The following HFM1 variants were observed in gnomAD, a reference collection of about 807,000 sequenced individuals.
The protein encoded by HFM1 is helicase for meiosis 1, also known as probable ATP-dependent DNA helicase HFM1.
HFM1 carries 169 observed loss-of-function variants against 192.1 expected under a neutral mutation model. The ratio of observed to expected loss-of-function variants is 0.88; its 90% CI spans 0.78 to 1.00. The LOEUF is 1.00. HFM1 is among the 50% of genes least tolerant of loss of function. The probability of loss-of-function intolerance (pLI) is 0.00; values close to 1 mark genes in which losing one functional copy is unlikely to be tolerated. For synonymous variants in HFM1, 525 were observed against 537.8 expected, an observed-to-expected ratio of 0.98 and a Z score of 0.33; for missense variants, 1,661 against 1,668.0, an observed-to-expected ratio of 1.00 and a Z score of 0.07.
rs760493845 is a variant in HFM1 at position 91,394,117 on chromosome 1, T to G, written c.470A>C (p.Glu157Ala). The G allele has an allele frequency of 6.9e-6, 11 of 1,588,522 alleles. No individual in the cohort carries two copies. Among genetic ancestry groups the G allele is most frequent in the South Asian group, 1.1e-5 (1 of 87,510 alleles). Reference sequence around the variant, plus strand: ...CCTTTTCCGGAATACTGATGTGCTCTCTCCTTTATCTTCTGCAAAATTAAC... The same window carrying G: ...CCTTTTCCGGAATACTGATGTGCTCGCTCCTTTATCTTCTGCAAAATTAAC... ...KLVNFAEDKG[E>A]STSVFRKRLF... is the part of the protein sequence containing the mutation. The change falls in exon 4 of 39, where the codon GAG becomes GCG. Residue 157 changes from glutamate (E) to alanine (A), a missense_variant. Glu to Ala is a moderately radical substitution (Grantham distance 107). Transcript: ENST00000370425.
intron 30 of HFM1, 51 bp from the exon 31 acceptor site, chr1:91,277,113 T>C (rs760819034): frequency 1.1e-6 from 1 of 924,640 alleles, no homozygotes; most frequent in South Asian, 1.6e-5. Context: ...TTTATTATTG[T>C]TAATTTAATA....
At chr1:91,292,680 T>C (rs1186555229) in intron 30 of HFM1, among the ~76,000 whole-genome samples, 1 of 152,084 alleles carries the variant, frequency 6.6e-6, no homozygotes, top group Admixed American at 6.6e-5. Context: ...AATGACTTTC[T>C]TCACAGAAAT....
At chr1:91,377,897 C>T (rs1190574526) in intron 11 of HFM1, 128 bp downstream of exon 11, 1 of 849,026 alleles carries the variant, frequency 1.2e-6, no homozygotes, top group African/African-American at 1.7e-5. Flanking sequence ...GATCTAGCCA[C>T]AACTTTCTAC....
chr1:91,294,655 A>G (rs1463821703), intron 30 of HFM1, among the ~76,000 whole-genome samples: 2 of 152,212 alleles, frequency 1.3e-5, no homozygotes, highest in Non-Finnish European at 2.9e-5. Flanking sequence ...CTGCAAACCA[A>G]AAACATTTAC....
chr1:91,380,620 G>A (rs1007409364), intron 7 of HFM1, among the ~76,000 whole-genome samples: 9 of 152,154 alleles, frequency 5.9e-5, no homozygotes, highest in Non-Finnish European at 1.3e-4. Context: ...CAGGAGTGGT[G>A]TCTCAAGCCT....
intron 30 of HFM1, among the ~76,000 whole-genome samples, chr1:91,306,840 C>G (rs10923006): frequency 0.24 from 37,006 of 152,006 alleles, 4,875 homozygotes; most frequent in East Asian, 0.53. Flanking sequence ...AAAATTTTTA[C>G]TAACAATTGC....
intron 30 of HFM1, among the ~76,000 whole-genome samples, chr1:91,277,976 A>G (rs1436355509): frequency 2.8e-5 from 4 of 141,376 alleles, no homozygotes; most frequent in Non-Finnish European, 6.0e-5. Flanking sequence ...TATACATTAT[A>G]TTATATATAT....
At chr1:91,383,874 G>T (rs778421215) in intron 6 of HFM1, among the ~76,000 whole-genome samples, 3 of 151,764 alleles carry the variant, frequency 2.0e-5, no homozygotes, top group Non-Finnish European at 4.4e-5. Flanking sequence ...CCTGATTGTG[G>T]TAATTATTTT....
chr1:91,361,108 TAAC>T (rs1400505053), intron 13 of HFM1, among the ~76,000 whole-genome samples: 9 of 151,542 alleles, frequency 5.9e-5, no homozygotes, highest in Non-Finnish European at 1.3e-4. Context: ...TATCCCAAGT[TAAC>T]AACCTAACAT....
At chr1:91,313,136 G>T (rs571399102) in intron 30 of HFM1, among the ~76,000 whole-genome samples, 2 of 152,034 alleles carry the variant, frequency 1.3e-5, no homozygotes, top group Admixed American at 1.3e-4. Flanking sequence ...ACCAAAAGAT[G>T]AATAAAAAAA....
At chr1:91,300,079 C>G (rs1339911339) in intron 30 of HFM1, among the ~76,000 whole-genome samples, 1 of 151,808 alleles carries the variant, frequency 6.6e-6, no homozygotes, top group Non-Finnish European at 1.5e-5. Context: ...CAAATAGACA[C>G]AATAAAAAAT....
At chr1:91,319,247 A>G (rs750938660) in intron 24 of HFM1, 38 bp from the exon 25 acceptor site, 2 of 1,603,398 alleles carry the variant, frequency 1.2e-6, no homozygotes, top group African/African-American at 1.3e-5. Flanking sequence ...CTAATATACC[A>G]GTTTATTGGA....
rs569897294 is a variant in HFM1, at chr1:91,300,596, G to T, written c.3391+12753C>A. On this transcript the variant is annotated intron_variant, in intron 30 of 38. Coordinates refer to ENST00000370425, the MANE Select transcript of HFM1 (RefSeq NM_001017975.6). ...AAAAGCTTATCCACCATGATCAAGT[G>T]GGCTTCATCCCTGGGATGCAAGGCT... Among the ~76,000 whole-genome samples, 9 of 152,144 alleles carry T rather than the reference G, an allele frequency of 5.9e-5. No individual in the cohort carries two copies. The East Asian group carries it at 1.4e-3, about 23-fold the overall frequency.
At chr1:91,289,908 G>C (rs1269660104) in intron 30 of HFM1, among the ~76,000 whole-genome samples, 2 of 152,066 alleles carry the variant, frequency 1.3e-5, no homozygotes, top group African/African-American at 4.8e-5. Context: ...CATTCTTAAA[G>C]AAAATAATTT....
intron 32 of HFM1, among the ~76,000 whole-genome samples, chr1:91,276,144 G>T (rs564668032): frequency 3.9e-5 from 6 of 152,000 alleles, no homozygotes; most frequent in Middle Eastern, 3.4e-3. Context: ...CCCTTCCTAC[G>T]ATCATTCTGG....
intron 6 of HFM1, among the ~76,000 whole-genome samples, chr1:91,381,397 C>G (rs764094064): frequency 1.1e-4 from 17 of 152,244 alleles, no homozygotes; most frequent in Admixed American, 2.0e-4. Flanking sequence ...TTTCATTAAG[C>G]ATTGATTGTA....
In HFM1 at chr1:91,396,324, T is replaced by C. The variant is rs1191580922; in HGVS notation, c.153A>G (p.Leu51=). The C allele has an allele frequency of 1.9e-6, 3 of 1,590,626 alleles. No individual in the cohort carries two copies. The highest frequency in any genetic ancestry group is 2.6e-6 in the Non-Finnish European group (3 of 1,162,384). The change falls in exon 3 of 39, where the codon TTA becomes TTG. Residue 51 remains leucine, a synonymous_variant. Transcript: ENST00000370425. ...GTTTATGACTTTCTAATTCTTCCTCTAACTCCTGAGTATCTGGAATTTCTG... is the reference window on the plus strand; with the variant it reads ...GTTTATGACTTTCTAATTCTTCCTCCAACTCCTGAGTATCTGGAATTTCTG... ...LISEIPDTQE[L]EEELESHKLL...
At chr1:91,277,916 AC>A (rs1409733422) in intron 30 of HFM1, among the ~76,000 whole-genome samples, 5 of 135,024 alleles carry the variant, frequency 3.7e-5, no homozygotes, top group Non-Finnish European at 6.2e-5. Flanking sequence ...TAATATATAC[AC>A]TAATATATAA....
In HFM1 at chr1:91,375,661, G is replaced by A. The variant is rs754639287; in HGVS notation, c.1462C>T (p.Pro488Ser). ...AGGACCACTTTCTGAAGTTTCACTG[G>A]TCTATGGCTCTCATCCATTTTCAGA... ...VCLKMDESHRPVKLQKVVLGF... is the reference protein window; with the variant it reads ...VCLKMDESHRSVKLQKVVLGF... Residue 488 changes from proline (P) to serine (S), a missense_variant, in exon 12 of 39, where the codon CCA becomes TCA. Coordinates refer to ENST00000370425, the MANE Select transcript of HFM1 (RefSeq NM_001017975.6). 1 of 1,613,338 alleles carries A rather than the reference G, an allele frequency of 6.2e-7. No individual in the cohort carries two copies. The highest frequency in any genetic ancestry group is 1.3e-5 in the African/African-American group (1 of 74,984).
Sources: allele counts gnomAD v4.1 joint callset (sites outside exome capture counted in the v4.1 genomes callset), GRCh38; gene constraint gnomAD v4.1.1; transcripts MANE v1.5; gene names NCBI Gene and HGNC (gene_info 2026-07-23, HGNC 2026-07-21).